Variants in KIF21A observed in about 807,000 individuals in gnomAD.
The protein encoded by KIF21A is kinesin-like protein KIF21A.
KIF21A carries 114 observed loss-of-function variants against 202.9 expected under a neutral mutation model. That is an observed-to-expected ratio of 0.56 (90% CI 0.48 to 0.66). The LOEUF is 0.66. Ranked by LOEUF, KIF21A falls within the 30% of genes least tolerant of loss-of-function variation. The probability of loss-of-function intolerance (pLI) is 0.00; values close to 1 mark genes in which losing one functional copy is unlikely to be tolerated. For synonymous variants in KIF21A, 667 were observed against 670.8 expected (o/e 0.99, Z 0.09); for missense variants, 1,677 against 1,994.9 (o/e 0.84, Z 3.04).
chr12:39,344,578 C>T (rs993034538), intron 12 of KIF21A, among the ~76,000 whole-genome samples: 7 of 152,172 alleles, frequency 4.6e-5, no homozygotes, highest in African/African-American at 7.2e-5. Context: ...TTCTACTCCC[C>T]GCTCCAACTC....
intron 23 of KIF21A, 46 bp from the exon 24 acceptor site, chr12:39,330,308 C>A: frequency 6.4e-7 from 1 of 1,557,620 alleles, no homozygotes; most frequent in South Asian, 1.1e-5. Flanking sequence ...ATACTCCAAT[C>A]AAAACAGATC....
rs536984127 is a variant in KIF21A, at chr12:39,366,058, T to C, written c.903+292A>G. Among the ~76,000 whole-genome samples the C allele has an allele frequency of 6.7e-4, 102 of 152,204 alleles. 3 individuals are homozygous for C. In the South Asian group the frequency reaches 0.02, roughly 30 times the overall value. ...ATAAGTTGATTTTGACAGTATATTG[T>C]TAAATGTGGAAAGAATTTTTCAAAT... On this transcript the variant is annotated intron_variant, in intron 6 of 37. Transcript: ENST00000361418.
intron 1 of KIF21A, among the ~76,000 whole-genome samples, chr12:39,388,197 C>T (rs1285632548): frequency 6.6e-6 from 1 of 152,062 alleles, no homozygotes; most frequent in Non-Finnish European, 1.5e-5. Context: ...GGACCGGAGG[C>T]AGTGTGAGTG....
chr12:39,364,102 C>A (rs1949439825), intron 6 of KIF21A, among the ~76,000 whole-genome samples: 1 of 152,200 alleles, frequency 6.6e-6, no homozygotes, highest in Admixed American at 6.5e-5. Flanking sequence ...TGTAGTCACT[C>A]CTGCCACCCT....
At chr12:39,337,065 C>G in intron 17 of KIF21A, 31 bp downstream of exon 17, 2 of 1,416,804 alleles carry the variant, frequency 1.4e-6, no homozygotes, top group Non-Finnish European at 2.0e-6. Flanking sequence ...GTACAATTTT[C>G]TTATATAACT....
intron 28 of KIF21A, among the ~76,000 whole-genome samples, chr12:39,318,907 G>T (rs1156923281): frequency 6.6e-6 from 1 of 152,102 alleles, no homozygotes. Context: ...TGTGAACCCG[G>T]GAGGCGGAGT....
At chr12:39,377,790 G>T (rs527862809) in intron 1 of KIF21A, among the ~76,000 whole-genome samples, 74 of 152,124 alleles carry the variant, frequency 4.9e-4, no homozygotes, top group Non-Finnish European at 9.6e-4. Flanking sequence ...GTGTTCCAGG[G>T]ACTAGGGAGT....
chr12:39,390,993 C>T (rs1951306004), intron 1 of KIF21A, among the ~76,000 whole-genome samples: 1 of 152,110 alleles, frequency 6.6e-6, no homozygotes, highest in Non-Finnish European at 1.5e-5. Context: ...CCACAGCCCT[C>T]ACAATAGTGG....
chr12:39,343,191 G>A (rs1415013354), intron 12 of KIF21A, among the ~76,000 whole-genome samples: 9 of 152,022 alleles, frequency 5.9e-5, no homozygotes, highest in African/African-American at 1.4e-4. Flanking sequence ...GTGAAACCCC[G>A]TCTCTACTAA....
chr12:39,357,346 C>A lies in KIF21A; in HGVS notation c.1307G>T (p.Arg436Leu). 2.5e-6 allele frequency: 4 copies of A among 1,613,988 alleles called. No homozygotes were observed. The South Asian group carries it at 4.4e-5, about 18-fold the overall frequency. The change falls in exon 9 of 38, where the codon CGT becomes CTT. Residue 436 changes from arginine (R) to leucine (L), a missense_variant. Physicochemically the swap from Arg to Leu is moderately radical, Grantham distance 102. Around this residue, in one of 3 missense-constraint regions of KIF21A, gnomAD observed 966 missense variants for 1,180.9 expected, o/e 0.82. Transcript: ENST00000361418. Reference sequence around the variant, plus strand: ...CTCTTGCATGGCTTTAATTCTTACACGCAGGTTATTATTTTCAGTCTGTAG... The same window carrying A: ...CTCTTGCATGGCTTTAATTCTTACAAGCAGGTTATTATTTTCAGTCTGTAG... ...AMLQTENNNL[R>L]VRIKAMQETV...
chr12:39,363,489 GAATTAT>G (rs1949387705), intron 6 of KIF21A, among the ~76,000 whole-genome samples: 1 of 151,906 alleles, frequency 6.6e-6, no homozygotes. Context: ...GTTACCCCTA[GAATTAT>G]CAGAGCATCA....
At chr12:39,416,852 CAT>C (rs202197011) in intron 1 of KIF21A, among the ~76,000 whole-genome samples, 6,967 of 128,542 alleles carry the variant, frequency 0.054, 447 homozygotes, top group South Asian at 0.21. Flanking sequence ...TAGATATGTA[CAT>C]ATATATGTGT....
intron 9 of KIF21A, 72 bp downstream of exon 9, chr12:39,357,176 A>G (rs1948837651): frequency 3.9e-6 from 5 of 1,282,634 alleles, no homozygotes; most frequent in Non-Finnish European, 5.7e-6. Context: ...ATGCTAGGTA[A>G]TTAGTGAACA....
rs1424299593 is a variant in KIF21A at position 39,318,010 on chromosome 12, G to A, written c.3908+63C>T. ...CAGAGATGACTACATGTTTTCTACA[G>A]ACTGTATTGACAGGTTCAGAATATT... On this transcript the variant is annotated intron_variant, in intron 29 of 37. Transcript: ENST00000361418. 4.0e-6 allele frequency: 6 copies of A among 1,508,484 alleles called. No homozygotes were observed. In the African/African-American group the frequency reaches 8.3e-5, roughly 21 times the overall value. 93.4% of individuals were successfully genotyped at this position (1,508,484 alleles called of 1,614,324 possible). A position where few individuals can be genotyped will look rare whatever the true frequency, so the allele number is the denominator to read the frequency against.
In KIF21A at chr12:39,416,713, G is replaced by GTATATATATA. The variant is rs780759998; in HGVS notation, c.44+26213_44+26214insTATATATATA. 4.9e-4 allele frequency among the ~76,000 whole-genome samples: 36 copies of GTATATATATA among 73,562 alleles called. 5 individuals are homozygous for GTATATATATA. Among genetic ancestry groups the GTATATATATA allele is most frequent in the South Asian group, 3.3e-3 (7 of 2,120 alleles). The allele number at this position is 73,562 out of a possible 152,430, so 48.3% of individuals were successfully genotyped here. A position where few individuals can be genotyped will look rare whatever the true frequency, so the allele number is the denominator to read the frequency against. The stretch of plus-strand genomic sequence containing the variant: ...TATATATATATGTACATATATATGT[G>GTATATATATA]TGTATATATGTACATATATATGTGT... On this transcript the variant is annotated intron_variant, in intron 1 of 37. Transcript: ENST00000361418.
rs564731988 is a variant in KIF21A, at chr12:39,324,009, C to G, written c.3457-1127G>C. Among the ~76,000 whole-genome samples, 537 of 152,000 alleles carry G rather than the reference C, an allele frequency of 3.5e-3. 3 individuals carry two copies. The highest frequency in any genetic ancestry group is 0.012 in the African/African-American group (498 of 41,470). On this transcript the variant is annotated intron_variant, in intron 26 of 37. Coordinates refer to ENST00000361418, the MANE Select transcript of KIF21A (RefSeq NM_001173464.2). ...CCTGTTGTCCCAGCTACTCAGGAGG[C>G]TGAGGCAGGAGAATGGTGTGAACCC...
intron 1 of KIF21A, among the ~76,000 whole-genome samples, chr12:39,441,119 CTAAGT>C (rs1939511899): frequency 6.6e-6 from 1 of 152,140 alleles, no homozygotes; most frequent in African/African-American, 2.4e-5. Flanking sequence ...ATATGGCTTA[CTAAGT>C]TATGTTGAAG....
chr12:39,307,496 A>G, intron 34 of KIF21A, 69 bp downstream of exon 34: 1 of 1,470,086 alleles, frequency 6.8e-7, no homozygotes, highest in Non-Finnish European at 9.5e-7. Flanking sequence ...TTTCACATGC[A>G]CTAATGTTAT....
chr12:39,304,908 G>A lies in KIF21A; in HGVS notation c.4473C>T (p.His1491=). ...CAGTAAGGCACATAACAGGGCCTAG[G>A]TGTCCTGTTAACTTTCCTGTAGACT... ...RFQSTGKLTG[H]LGPVMCLTVD... Residue 1491 remains histidine (H), a synonymous_variant, in exon 35 of 38, where the codon CAC becomes CAT. Coordinates refer to ENST00000361418, the MANE Select transcript of KIF21A (RefSeq NM_001173464.2). 1 of 1,599,468 alleles carries A rather than the reference G, an allele frequency of 6.3e-7. No individual in the cohort carries two copies. The highest frequency in any genetic ancestry group is 8.6e-7 in the Non-Finnish European group (1 of 1,167,586).
Sources: gnomAD v4.1 joint callset for allele counts (sites outside exome capture counted in the v4.1 genomes callset) on GRCh38, gnomAD v4.1.1 for gene constraint, gnomAD v4.1.1 regional missense constraint, MANE v1.5 for transcripts, NCBI Gene and HGNC (gene_info 2026-07-23, HGNC 2026-07-21) for gene names.